Variants in PCDHA9 observed in about 807,000 individuals in gnomAD.
PCDHA9 encodes the protein protocadherin alpha 9, also known as protocadherin alpha-9.
Under a neutral mutation model 62.0 loss-of-function variants are expected in PCDHA9, and 62 were observed. That is an observed-to-expected ratio of 1.00 (90% CI 0.81 to 1.23). The LOEUF (loss-of-function observed/expected upper bound fraction) is 1.23. PCDHA9 is among the 50% of genes most tolerant of loss of function. PCDHA9 has a pLI of 0.00. For synonymous variants in PCDHA9, 557 were observed against 567.6 expected (o/e 0.98, Z 0.27); for missense variants, 1,205 against 1,249.8 (o/e 0.96, Z 0.54).
At chr5:140,974,496 T>C (rs1554236114) in intron 1 of PCDHA9, among the ~76,000 whole-genome samples, 1 of 152,198 alleles carries the variant, frequency 6.6e-6, no homozygotes, top group Non-Finnish European at 1.5e-5. Flanking sequence ...TCAAATGTAT[T>C]ACCTTTGTGT....
At chr5:140,869,170 T>C in intron 1 of PCDHA9, 3 of 1,613,920 alleles carry the variant, frequency 1.9e-6, no homozygotes, top group Non-Finnish European at 2.5e-6. Context: ...CCTCCTCGAA[T>C]TCTGGGAGGT....
At chr5:140,875,103 A>ACTAATATCATG (rs2055275043) in intron 1 of PCDHA9, among the ~76,000 whole-genome samples, 2 of 152,340 alleles carry the variant, frequency 1.3e-5, no homozygotes, top group African/African-American at 4.8e-5. Context: ...ATGTTTTGTT[A>ACTAATATCATG]CTAATATCAT....
chr5:140,942,944 T>C (rs368380576), intron 1 of PCDHA9, among the ~76,000 whole-genome samples: 1 of 151,862 alleles, frequency 6.6e-6, no homozygotes, highest in African/African-American at 2.4e-5. Context: ...GTTTAAAGTG[T>C]AGACGTTCTG....
At chr5:140,976,250 A>C (rs1420287471) in intron 1 of PCDHA9, among the ~76,000 whole-genome samples, 1 of 152,144 alleles carries the variant, frequency 6.6e-6, no homozygotes, top group Non-Finnish European at 1.5e-5. Flanking sequence ...ATGTAAATTT[A>C]TTTAAAACAC....
At chr5:140,901,329 T>A (rs180738358) in intron 1 of PCDHA9, among the ~76,000 whole-genome samples, 102 of 152,302 alleles carry the variant, frequency 6.7e-4, no homozygotes, top group Admixed American at 1.2e-3. Context: ...TTTCTTGTAG[T>A]CGTTTTATAG....
intron 1 of PCDHA9, among the ~76,000 whole-genome samples, chr5:140,888,659 C>A (rs1373585694): frequency 6.6e-6 from 1 of 152,198 alleles, no homozygotes; most frequent in Non-Finnish European, 1.5e-5. Context: ...AGGACACCAC[C>A]TAATGCCCTG....
intron 1 of PCDHA9, chr5:140,862,804 C>A: frequency 5.2e-6 from 3 of 574,138 alleles, no homozygotes; most frequent in Non-Finnish European, 6.7e-6. Context: ...GCTGGAGCTG[C>A]TGCAGTTCTA....
chr5:140,967,922 G>T (rs782146005), intron 1 of PCDHA9: 1 of 1,614,198 alleles, frequency 6.2e-7, no homozygotes, highest in South Asian at 1.1e-5. Flanking sequence ...CATTGTGGCC[G>T]TTCTCAGTGT....
At chr5:140,871,707 G>A (rs2053270634) in intron 1 of PCDHA9, 9 of 843,502 alleles carry the variant, frequency 1.1e-5, no homozygotes, top group Non-Finnish European at 1.6e-5. Flanking sequence ...ACCAATAAAT[G>A]TCCTATTTCT....
chr5:140,900,187 T>C (rs529700623), intron 1 of PCDHA9, among the ~76,000 whole-genome samples: 1 of 152,346 alleles, frequency 6.6e-6, no homozygotes, highest in Non-Finnish European at 1.5e-5. Context: ...ATGTCACTTA[T>C]AATGACATCC....
intron 1 of PCDHA9, chr5:140,854,677 A>G (rs1450428296): frequency 6.7e-6 from 1 of 150,054 alleles, no homozygotes; most frequent in African/African-American, 2.4e-5. Context: ...CATAAGACCA[A>G]TATGTCTGTT....
chr5:140,992,097 A>G (rs1466699064), intron 3 of PCDHA9, among the ~76,000 whole-genome samples: 7 of 151,212 alleles, frequency 4.6e-5, no homozygotes, highest in Non-Finnish European at 1.0e-4. Flanking sequence ...GAGAAAGAGA[A>G]TTAAGGTGAG....
Position 140,872,661 on chromosome 5 carries a change from T to G in PCDHA9, c.2394+21772T>G, listed in dbSNP as rs544432969. Among the ~76,000 whole-genome samples the G allele has an allele frequency of 2.0e-5, 3 of 152,284 alleles. No individual in the cohort carries two copies. In the East Asian group the frequency reaches 5.8e-4, roughly 29 times the overall value. ...ATGAAAAGGCAAGAGATTTGTCAAC[T>G]ATTGGATACTCAAACAAAATGGCAT... On this transcript the variant is annotated intron_variant, in intron 1 of 3. Transcript: ENST00000532602.
intron 1 of PCDHA9, among the ~76,000 whole-genome samples, chr5:140,961,978 G>T (rs1336878095): frequency 6.6e-6 from 1 of 151,828 alleles, no homozygotes; most frequent in Non-Finnish European, 1.5e-5. Context: ...CCGCCTCCTG[G>T]GTTCACGCCA....
intron 1 of PCDHA9, among the ~76,000 whole-genome samples, chr5:140,950,043 A>G (rs1011500100): frequency 1.6e-4 from 25 of 151,950 alleles, no homozygotes; most frequent in Non-Finnish European, 3.4e-4. Context: ...TTACAACCAT[A>G]TAAGACTATT....
At chr5:140,870,015 T>C (rs367677663) in intron 1 of PCDHA9, 5 of 1,613,476 alleles carry the variant, frequency 3.1e-6, no homozygotes, top group Admixed American at 1.7e-5. Context: ...TGAGGGTCAA[T>C]GGAACTTTAG....
intron 1 of PCDHA9, among the ~76,000 whole-genome samples, chr5:140,933,965 T>A (rs1400091615): frequency 2.6e-5 from 4 of 152,064 alleles, no homozygotes; most frequent in Non-Finnish European, 5.9e-5. Flanking sequence ...GTAGTGATGT[T>A]TCCCTTTTCA....
intron 1 of PCDHA9, among the ~76,000 whole-genome samples, chr5:140,887,231 A>G (rs570148204): frequency 7.0e-4 from 106 of 151,572 alleles, no homozygotes; most frequent in Admixed American, 1.4e-3. Context: ...CGAGTAGCTG[A>G]GACTACCGGC....
chr5:140,883,282 G>A (rs781911340), intron 1 of PCDHA9: 6 of 1,613,900 alleles, frequency 3.7e-6, no homozygotes, highest in Non-Finnish European at 5.1e-6. Context: ...CCCTTTTGGT[G>A]GAAGTACTAG....
Sources: gnomAD v4.1 joint callset for allele counts (sites outside exome capture counted in the v4.1 genomes callset) on GRCh38, gnomAD v4.1.1 for gene constraint, MANE v1.5 for transcripts, NCBI Gene and HGNC (gene_info 2026-07-23, HGNC 2026-07-21) for gene names.